Variants in CA10 observed in about 807,000 individuals in gnomAD.
CA10 encodes carbonic anhydrase 10 (inactive).
Under a neutral mutation model 44.2 loss-of-function variants are expected in CA10, and 14 were observed. The observed-to-expected ratio is 0.32, with a 90% CI of 0.21 to 0.50. The LOEUF is 0.50. CA10 is among the 20% of genes least tolerant of loss of function. CA10 has a pLI of 0.99. For missense variants in CA10, 350 were observed against 409.7 expected (o/e 0.85, Z 1.26); for synonymous variants, 159 against 141.6 (o/e 1.12, Z -0.87).
chr17:51,721,828 C>T (rs951150393), intron 4 of CA10, among the ~76,000 whole-genome samples: 3 of 152,132 alleles, frequency 2.0e-5, no homozygotes, highest in Non-Finnish European at 2.9e-5. Flanking sequence ...GCATATTCCT[C>T]GCCCCTGCCC....
chr17:52,045,503 A>G (rs902371271), intron 2 of CA10, among the ~76,000 whole-genome samples: 2 of 152,084 alleles, frequency 1.3e-5, no homozygotes, highest in Non-Finnish European at 2.9e-5. Flanking sequence ...TAACATGAGT[A>G]GGAATAAAAT....
chr17:51,635,016 G>A (rs1320003966), intron 7 of CA10, among the ~76,000 whole-genome samples: 5 of 152,124 alleles, frequency 3.3e-5, no homozygotes, highest in Non-Finnish European at 5.9e-5. Flanking sequence ...GGGTTGAATC[G>A]TGTACCCCTG....
chr17:51,937,688 A>G (rs1476253134), intron 2 of CA10, among the ~76,000 whole-genome samples: 2 of 152,192 alleles, frequency 1.3e-5, no homozygotes, highest in Non-Finnish European at 2.9e-5. Context: ...CCCACTCTTC[A>G]GGACACTCAG....
intron 3 of CA10, among the ~76,000 whole-genome samples, chr17:51,767,616 C>T (rs916467027): frequency 7.9e-5 from 12 of 152,062 alleles, no homozygotes; most frequent in South Asian, 2.1e-4. Context: ...TTGGGATGAT[C>T]GAAGCACATT....
intron 2 of CA10, among the ~76,000 whole-genome samples, chr17:52,064,854 G>T (rs1405457583): frequency 6.6e-6 from 1 of 152,128 alleles, no homozygotes; most frequent in Non-Finnish European, 1.5e-5. Context: ...ATCATTCAGA[G>T]GAATTCTGTA....
chr17:51,947,112 T>C (rs1983308424), intron 2 of CA10, among the ~76,000 whole-genome samples: 1 of 151,924 alleles, frequency 6.6e-6, no homozygotes, highest in Admixed American at 6.6e-5. Context: ...TACTTGGCCT[T>C]TATAATGTAA....
At chr17:52,049,552 C>G (rs946080374) in intron 2 of CA10, among the ~76,000 whole-genome samples, 1 of 152,108 alleles carries the variant, frequency 6.6e-6, no homozygotes, top group Non-Finnish European at 1.5e-5. Context: ...GTGGGTGAAA[C>G]TTTTGGCATC....
chr17:52,100,021 T>G (rs542346357), intron 1 of CA10, among the ~76,000 whole-genome samples: 1 of 152,314 alleles, frequency 6.6e-6, no homozygotes, highest in African/African-American at 2.4e-5. Flanking sequence ...AGAAAGGACG[T>G]AAAAATAATG....
Position 51,889,081 on chromosome 17 carries a change from T to C in CA10, c.279+41909A>G, listed in dbSNP as rs1013265968. 5.3e-5 allele frequency among the ~76,000 whole-genome samples: 8 copies of C among 152,120 alleles called. 1 individual carries two copies. The highest frequency in any genetic ancestry group is 4.6e-4 in the Admixed American group (7 of 15,264). ...TCTCTAGGCTTTGTCTTCTTGGGCA[T>C]GGTGGCTGAATTCTGTGAGGGAGAG... On this transcript the variant is annotated intron_variant, in intron 3 of 8. Transcript: ENST00000451037.
At chr17:51,947,960 A>G (rs203105) in intron 2 of CA10, among the ~76,000 whole-genome samples, 1 of 152,186 alleles carries the variant, frequency 6.6e-6, no homozygotes, top group African/African-American at 2.4e-5. Flanking sequence ...GTAGCTGGGG[A>G]TAGACCAAAC....
chr17:51,804,407 T>C (rs553520808), intron 3 of CA10, among the ~76,000 whole-genome samples: 1 of 152,324 alleles, frequency 6.6e-6, no homozygotes, highest in Admixed American at 6.5e-5. Context: ...TTCCATCCCA[T>C]CTTGCTTACC....
intron 3 of CA10, among the ~76,000 whole-genome samples, chr17:51,825,973 T>C (rs896859487): frequency 1.3e-5 from 2 of 152,354 alleles, no homozygotes; most frequent in Middle Eastern, 3.4e-3. Context: ...TCTTTCACTC[T>C]ACGCACTTAT....
intron 2 of CA10, among the ~76,000 whole-genome samples, chr17:51,981,377 C>T (rs1320579812): frequency 1.3e-5 from 2 of 151,968 alleles, no homozygotes; most frequent in East Asian, 1.9e-4. Flanking sequence ...ATGCAACATG[C>T]GTGAATCTCA....
At chr17:52,016,403 C>T (rs917516963) in intron 2 of CA10, among the ~76,000 whole-genome samples, 15 of 152,112 alleles carry the variant, frequency 9.9e-5, no homozygotes, top group African/African-American at 2.9e-4. Context: ...AATCACCACT[C>T]GGTAAATGTA....
chr17:51,931,569 C>A (rs1376775753), intron 2 of CA10, among the ~76,000 whole-genome samples: 1 of 152,108 alleles, frequency 6.6e-6, no homozygotes, highest in Non-Finnish European at 1.5e-5. Context: ...AGGAAAGTGT[C>A]ATTCAGTGTA....
At chr17:51,891,996 G>A (rs753875475) in intron 3 of CA10, among the ~76,000 whole-genome samples, 5 of 152,186 alleles carry the variant, frequency 3.3e-5, no homozygotes, top group Admixed American at 6.5e-5. Context: ...AAAGCCCAGG[G>A]AAAAGGTAAC....
At chr17:51,874,922 TAGTG>T (rs1267189012) in intron 3 of CA10, among the ~76,000 whole-genome samples, 1 of 151,726 alleles carries the variant, frequency 6.6e-6, no homozygotes, top group African/African-American at 2.4e-5. Context: ...GGGTGAGGGG[TAGTG>T]AGTAAGGAAG....
chr17:51,639,742 C>T (rs980772653), intron 6 of CA10, among the ~76,000 whole-genome samples: 1 of 152,160 alleles, frequency 6.6e-6, no homozygotes, highest in Non-Finnish European at 1.5e-5. Flanking sequence ...TTGGAAAGAC[C>T]CAGAGTGGAG....
intron 3 of CA10, among the ~76,000 whole-genome samples, chr17:51,786,933 C>A (rs1055899496): frequency 6.6e-6 from 1 of 151,992 alleles, no homozygotes; most frequent in Non-Finnish European, 1.5e-5. Context: ...TGGAAATAAT[C>A]ATATTGTTTT....
Sources: gnomAD v4.1 joint callset for allele counts (sites outside exome capture counted in the v4.1 genomes callset) on GRCh38, gnomAD v4.1.1 for gene constraint, MANE v1.5 for transcripts, NCBI Gene and HGNC (gene_info 2026-07-23, HGNC 2026-07-21) for gene names.